Variants in GGNBP2 observed in about 807,000 individuals in gnomAD.
The protein encoded by GGNBP2 is gametogenetin-binding protein 2.
In GGNBP2, 10 loss-of-function variants were observed where a neutral mutation model predicts 85.9. The ratio of observed to expected loss-of-function variants is 0.12; its 90% confidence interval spans 0.07 to 0.20. GGNBP2 has a LOEUF of 0.20. GGNBP2 is among the 10% of genes least tolerant of loss of function. The probability of loss-of-function intolerance (pLI) is 1.00; values close to 1 mark genes in which losing one functional copy is unlikely to be tolerated. For missense variants in GGNBP2, 595 were observed against 857.8 expected, an observed-to-expected ratio of 0.69 and a Z score of 3.83; for synonymous variants, 287 against 285.7, an observed-to-expected ratio of 1.00 and a Z score of -0.05.
At chr17:36,575,377 C>T (rs2074566633) in intron 6 of GGNBP2, 1 of 299,474 alleles carries the variant, frequency 3.3e-6, no homozygotes, top group East Asian at 9.6e-5. Flanking sequence ...TGCATGTGTG[C>T]TTTTGGTGTC....
intron 5 of GGNBP2, among the ~76,000 whole-genome samples, chr17:36,564,658 A>C (rs2074451454): frequency 6.6e-6 from 1 of 152,216 alleles, no homozygotes; most frequent in Non-Finnish European, 1.5e-5. Context: ...TAAGCAGTAC[A>C]GTATGCTTAG....
chr17:36,578,018 C>T lies in GGNBP2; in HGVS notation c.677C>T (p.Ala226Val). ...GATTGCAAAAATAAAGTCCTCCGAG[C>T]ATACAATATCCTTATTGGTGAACTT... Reference protein sequence around the residue: ...CTDCKNKVLRAYNILIGELDC... With the variant: ...CTDCKNKVLRVYNILIGELDC... The change falls in exon 7 of 14, where the codon GCA (alanine) becomes GTA (valine). Residue 226 changes from alanine to valine, a missense_variant. This residue lies in a region of GGNBP2 where 216 missense variants were observed against 293.4 expected (regional missense o/e 0.74). Coordinates refer to ENST00000613102, the MANE Select transcript of GGNBP2 (RefSeq NM_024835.5). 6.2e-7 allele frequency: 1 copy of T among 1,614,146 alleles called. No homozygotes were observed. Among genetic ancestry groups the T allele is most frequent in the Non-Finnish European group, 8.5e-7 (1 of 1,180,000 alleles).
At chr17:36,583,603 C>T (rs8077251) in intron 9 of GGNBP2, among the ~76,000 whole-genome samples, 4,102 of 152,066 alleles carry the variant, frequency 0.027, 164 homozygotes, top group African/African-American at 0.092. Flanking sequence ...GGACTACAGG[C>T]GCCTACCACC....
At chr17:36,570,342 T>C (rs1265448197) in intron 6 of GGNBP2, among the ~76,000 whole-genome samples, 2 of 152,212 alleles carry the variant, frequency 1.3e-5, no homozygotes, top group Admixed American at 6.5e-5. Context: ...TGGCCGTGAT[T>C]GTACCACTGC....
intron 2 of GGNBP2, among the ~76,000 whole-genome samples, chr17:36,549,932 A>G (rs372287067): frequency 1.8e-4 from 27 of 151,752 alleles, no homozygotes; most frequent in African/African-American, 5.6e-4. Context: ...TCAGATTGCT[A>G]TGATATTTCT....
chr17:36,564,451 T>C (rs2074449504), intron 5 of GGNBP2, among the ~76,000 whole-genome samples: 1 of 152,248 alleles, frequency 6.6e-6, no homozygotes, highest in Non-Finnish European at 1.5e-5. Context: ...ATCTTTCAGC[T>C]TAAGAAACAA....
At chr17:36,548,017 C>T (rs1031902339) in intron 2 of GGNBP2, among the ~76,000 whole-genome samples, 1 of 152,170 alleles carries the variant, frequency 6.6e-6, no homozygotes, top group African/African-American at 2.4e-5. Flanking sequence ...GGAAGATGCC[C>T]CTATCAGAGT....
chr17:36,545,654 GA>G lies in GGNBP2; in HGVS notation c.-68del. 1 of 1,261,052 alleles carries G rather than the reference GA, an allele frequency of 7.9e-7. No homozygotes were observed. Among genetic ancestry groups the G allele is most frequent in the South Asian group, 1.3e-5 (1 of 77,924 alleles). 78.1% of individuals were successfully genotyped at this position (1,261,052 alleles called of 1,614,324 possible). A position where few individuals can be genotyped will look rare whatever the true frequency, so the allele number is the denominator to read the frequency against. On this transcript the variant is annotated 5_prime_UTR_variant, in exon 2 of 14. Coordinates refer to ENST00000613102, the MANE Select transcript of GGNBP2 (RefSeq NM_024835.5). ...GGAGGAGGCGGCAGCGGCGGCGGCA[GA>G]AACAGCAGCGGCGGCGGCGGCGGCA...
chr17:36,575,648 A>ATATATATATATATATT (rs374366757), intron 6 of GGNBP2, among the ~76,000 whole-genome samples: 5 of 54,914 alleles, frequency 9.1e-5, no homozygotes, highest in African/African-American at 3.3e-4. Context: ...ATATATATAT[A>ATATATATATATATATT]TTTTTTTTTT....
rs759949208 is a variant in GGNBP2, at chr17:36,585,466, C to A, written c.1366+16C>A. On this transcript the variant is annotated intron_variant, in intron 10 of 13. Transcript: ENST00000613102. ...ATAAAGAAAGGTAAGTAAATAATTT[C>A]TTTTTAAAATGAACTCTTAACTCTA... 1.5e-5 allele frequency: 24 copies of A among 1,550,612 alleles called. 1 individual carries two copies. The Middle Eastern group carries it at 1.2e-3, about 77-fold the overall frequency.
chr17:36,576,573 A>AT (rs2074586341), intron 6 of GGNBP2: 2 of 26,900 alleles, frequency 7.4e-5, no homozygotes, highest in African/African-American at 2.1e-4. Context: ...AAAAAAAAAA[A>AT]AAAAAAAAAA....
rs191546903 is a variant in GGNBP2 at position 36,566,914 on chromosome 17, C to T, written c.528-749C>T. ...AGCATGGTGGCTCACACCTGTAATCCCAGTGCTTTGGGAGGCTGAGGTGGG... is the reference window on the plus strand; with the variant it reads ...AGCATGGTGGCTCACACCTGTAATCTCAGTGCTTTGGGAGGCTGAGGTGGG... On this transcript the variant is annotated intron_variant, in intron 5 of 13. Coordinates refer to ENST00000613102, the MANE Select transcript of GGNBP2 (RefSeq NM_024835.5). Among the ~76,000 whole-genome samples the T allele has an allele frequency of 2.2e-3, 329 of 151,828 alleles. 2 individuals are homozygous for T. Among genetic ancestry groups the T allele is most frequent in the Non-Finnish European group, 1.5e-3 (100 of 67,948 alleles).
At chr17:36,586,245 GA>G in intron 12 of GGNBP2, 47 bp downstream of exon 12, 1 of 1,575,378 alleles carries the variant, frequency 6.3e-7, no homozygotes, top group South Asian at 1.1e-5. Context: ...GTTGAGGACA[GA>G]ACACGTGTTT....
intron 2 of GGNBP2, 174 bp downstream of exon 2, chr17:36,545,991 C>T (rs952610625): frequency 9.1e-6 from 5 of 551,286 alleles, no homozygotes; most frequent in African/African-American, 3.8e-5. Flanking sequence ...GGCTCGGTAA[C>T]CTCTGTCGGC....
chr17:36,572,576 G>A (rs1161861067), intron 6 of GGNBP2, among the ~76,000 whole-genome samples: 1 of 151,994 alleles, frequency 6.6e-6, no homozygotes, highest in Non-Finnish European at 1.5e-5. Context: ...GTAGTCCCAG[G>A]TACTCAGGTG....
intron 2 of GGNBP2, 127 bp from the exon 3 acceptor site, chr17:36,554,693 A>G: frequency 2.9e-6 from 2 of 686,380 alleles, no homozygotes; most frequent in Non-Finnish European, 5.3e-6. Flanking sequence ...TGGATTTAAC[A>G]AAATTTTTTG....
intron 13 of GGNBP2, 106 bp downstream of exon 13, chr17:36,587,351 T>C (rs1001862267): frequency 8.4e-6 from 10 of 1,187,346 alleles, no homozygotes; most frequent in Non-Finnish European, 9.8e-6. Flanking sequence ...AGGAAGCTTA[T>C]GAGAAATTAA....
chr17:36,552,168 T>G (rs982115210), intron 2 of GGNBP2, among the ~76,000 whole-genome samples: 1 of 152,212 alleles, frequency 6.6e-6, no homozygotes, highest in African/African-American at 2.4e-5. Context: ...TGGAGTGACC[T>G]CCAATATTCT....
chr17:36,574,499 G>C (rs576395166), intron 6 of GGNBP2: 3 of 313,888 alleles, frequency 9.6e-6, no homozygotes, highest in African/African-American at 6.5e-5. Context: ...CCTCTGCATG[G>C]AGACTCTGGT....
Sources: gnomAD v4.1 joint callset for allele counts (sites outside exome capture counted in the v4.1 genomes callset) on GRCh38, gnomAD v4.1.1 for gene constraint, gnomAD v4.1.1 regional missense constraint, MANE v1.5 for transcripts, NCBI Gene and HGNC (gene_info 2026-07-23, HGNC 2026-07-21) for gene names.